Variants in GCDH observed in about 807,000 individuals in gnomAD.
The protein encoded by GCDH is glutaryl-CoA dehydrogenase.
A neutral mutation model predicts 52.8 loss-of-function variants in GCDH; 31 were observed. The ratio of observed to expected loss-of-function variants is 0.59; its 90% CI spans 0.44 to 0.79. GCDH has a LOEUF of 0.79. Among genes scored for constraint, GCDH ranks in the 30% least tolerant of loss-of-function variants. The pLI is 0.00. For missense variants in GCDH, 509 were observed against 595.0 expected (o/e 0.86, Z 1.50); for synonymous variants, 242 against 250.0 (o/e 0.97, Z 0.30).
intron 5 of GCDH, 120 bp from the exon 6 acceptor site, chr19:12,893,363 C>T: frequency 1.2e-6 from 1 of 840,540 alleles, no homozygotes; most frequent in Non-Finnish European, 2.0e-6. Flanking sequence ...GAATAAACCT[C>T]AGCTAGGGCC....
intron 10 of GCDH, 51 bp downstream of exon 10, chr19:12,897,479 C>T (rs1237406976): frequency 2.5e-6 from 4 of 1,595,036 alleles, no homozygotes; most frequent in African/African-American, 1.3e-5. Flanking sequence ...GCTGGAGGAC[C>T]TTGTGTCCTT....
chr19:12,892,092 A>G (rs756107048), intron 4 of GCDH, 24 bp from the exon 5 acceptor site: 1 of 1,613,974 alleles, frequency 6.2e-7, no homozygotes, highest in Admixed American at 1.7e-5. Context: ...CTGGGCCTGA[A>G]TTTGGGCACT....
rs778536469 is a variant in GCDH, at chr19:12,892,107, C to T, written c.272-9C>T. 3 of 1,614,088 alleles carry T rather than the reference C, an allele frequency of 1.9e-6. No individual in the cohort carries two copies. Among genetic ancestry groups the T allele is most frequent in the Non-Finnish European group, 1.7e-6 (2 of 1,180,004 alleles). On this transcript the variant is annotated splice_polypyrimidine_tract_variant and intron_variant, in intron 4 of 11. Coordinates refer to ENST00000222214, the MANE Select transcript of GCDH (RefSeq NM_000159.4). ...CTGGGCCTGAATTTGGGCACTGGTC[C>T]CTTTGCAGTTTTTCATCGGGAGATC...
chr19:12,894,789 A>C, intron 6 of GCDH: 1 of 755,256 alleles, frequency 1.3e-6, no homozygotes, highest in East Asian at 2.9e-5. Context: ...AGAATGAAGG[A>C]GGCTAAGAAG....
At chr19:12,897,940 G>A in intron 11 of GCDH, 77 bp downstream of exon 11, 6 of 1,263,822 alleles carry the variant, frequency 4.7e-6, no homozygotes, top group Non-Finnish European at 6.9e-6. Flanking sequence ...GACGGGGACA[G>A]GTCTGAGTCC....
chr19:12,891,920 AC>A lies in GCDH; in HGVS notation c.219del (p.Tyr74ThrfsTer68), dbSNP rs1057516521. On this transcript the variant is annotated frameshift_variant, in exon 4 of 12. Coordinates refer to ENST00000222214, the MANE Select transcript of GCDH (RefSeq NM_000159.4). LOFTEE classifies it high-confidence loss of function. Reference protein sequence around the residue: ...DEILIRDTFRTYCQERLMPRI... With the variant: ...DEILIRDTFRXYCQERLMPRI... ...GATCCTCATCAGGGACACCTTCCGC[AC>A]CTACTGCCAGGAGAGACTCATGCCT... is the stretch of plus-strand genomic sequence containing the variant. 2.5e-6 allele frequency: 4 copies of A among 1,614,016 alleles called. No homozygotes were observed. Among genetic ancestry groups the A allele is most frequent in the Non-Finnish European group, 3.4e-6 (4 of 1,180,022 alleles).
At position 12,891,875 on chromosome 19, in the gene GCDH, G is replaced by A; in HGVS notation, c.172G>A (p.Glu58Lys). The A allele has an allele frequency of 1.2e-6, 2 of 1,614,098 alleles. No individual in the cohort carries two copies. Among genetic ancestry groups the A allele is most frequent in the Non-Finnish European group, 1.7e-6 (2 of 1,179,972 alleles). Reference protein sequence around the residue: ...FDWQDPLVLEEQLTTDEILIR... With the variant: ...FDWQDPLVLEKQLTTDEILIR... ...CTGGCAGGACCCGCTGGTGCTGGAG[G>A]AGCAGCTGACCACAGATGAGATCCT... The change falls in exon 4 of 12, where the codon GAG becomes AAG. Residue 58 changes from glutamate to lysine, a missense_variant. By Grantham distance (56) the Glu-to-Lys change is moderately conservative. Transcript: ENST00000222214.
chr19:12,897,347 A>G lies in GCDH; in HGVS notation c.1001A>G (p.Lys334Arg). Residue 334 changes from lysine (K) to arginine (R), a missense_variant, in exon 10 of 12, where the codon AAG (lysine) becomes AGG (arginine). Physicochemically the swap from Lys to Arg is conservative, Grantham distance 26 (BLOSUM62 2). Transcript: ENST00000222214. ...VPLARNQLIQ[K>R]KLADMLTEIT... ...CTGGCCAGGAACCAGCTGATTCAGA[A>G]GAAGCTGGCAGACATGCTCACTGAG... The G allele has an allele frequency of 1.2e-6, 2 of 1,613,808 alleles. No individual in the cohort carries two copies. Among genetic ancestry groups the G allele is most frequent in the Non-Finnish European group, 1.7e-6 (2 of 1,179,988 alleles).
chr19:12,895,345 C>T (rs569022388), intron 6 of GCDH, among the ~76,000 whole-genome samples: 5 of 151,588 alleles, frequency 3.3e-5, no homozygotes, highest in East Asian at 1.9e-4. Flanking sequence ...CTGCAACCTG[C>T]GGTTCCCCAG....
At chr19:12,898,145 A>G (rs1261228957) in intron 11 of GCDH, 1 of 471,512 alleles carries the variant, frequency 2.1e-6, no homozygotes, top group Non-Finnish European at 3.9e-6. Flanking sequence ...TGAGACAGGT[A>G]AGCTCCGAAG....
rs1237461659 is a variant in GCDH at position 12,896,278 on chromosome 19, C to T, written c.709C>T (p.Leu237=). 6 of 1,614,146 alleles carry T rather than the reference C, an allele frequency of 3.7e-6. No individual in the cohort carries two copies. The East Asian group carries it at 1.3e-4, about 36-fold the overall frequency. The change falls in exon 8 of 12, where the codon CTG becomes TTG. Residue 237 remains leucine, a synonymous_variant. Coordinates refer to ENST00000222214, the MANE Select transcript of GCDH (RefSeq NM_000159.4). This position sits in a 1 kb window ranked among gnomAD's most constrained non-coding sequence, Gnocchi z 5.5. ...TGAAGATGGCTGCATTCGGGGCTTCCTGCTGGAGAAGGGGATGCGGGGTCT... is the reference window on the plus strand; with the variant it reads ...TGAAGATGGCTGCATTCGGGGCTTCTTGCTGGAGAAGGGGATGCGGGGTCT... ...RCEDGCIRGF[L]LEKGMRGLSA...
rs1252148225 is a variant in GCDH, at chr19:12,891,519, A to G, written c.124A>G (p.Lys42Glu). 6.2e-7 allele frequency: 1 copy of G among 1,614,146 alleles called. No individual in the cohort carries two copies. The highest frequency in any genetic ancestry group is 8.5e-7 in the Non-Finnish European group (1 of 1,179,998). The change falls in exon 3 of 12, where the codon AAG becomes GAG. Residue 42 changes from lysine (K) to glutamate (E), a missense_variant. By Grantham distance (56) the Lys-to-Glu change is moderately conservative. Coordinates refer to ENST00000222214, the MANE Select transcript of GCDH (RefSeq NM_000159.4). Reference sequence around the variant, plus strand: ...CGGGAGAACACAGAGCCAACTGGCTAAGTGTAAGGACCTCTGGTCGCACCG... The same window carrying G: ...CGGGAGAACACAGAGCCAACTGGCTGAGTGTAAGGACCTCTGGTCGCACCG... ...KGGRTQSQLA[K>E]SSRPEFDWQD...
chr19:12,893,790 C>A (rs564296682), intron 6 of GCDH, 137 bp downstream of exon 6: 6 of 793,214 alleles, frequency 7.6e-6, no homozygotes, highest in South Asian at 7.2e-5. Flanking sequence ...CCCCGCCAGA[C>A]CCTGGGCTTC....
rs746220312 is a variant in GCDH, at chr19:12,896,995, G to A, written c.938G>A (p.Arg313Gln). The part of the protein sequence containing the change: ...GASEFCLHTA[R>Q]QYALDRMQFG... ...TCGGAGTTCTGCTTGCACACAGCCCGGCAGTACGCCCTCGACAGGTGTGTG... is the reference window on the plus strand; with the variant it reads ...TCGGAGTTCTGCTTGCACACAGCCCAGCAGTACGCCCTCGACAGGTGTGTG... Residue 313 changes from arginine (R) to glutamine (Q), a missense_variant, in exon 9 of 12, where the codon CGG (arginine) becomes CAG (glutamine). By Grantham distance (43) the Arg-to-Gln change is conservative (BLOSUM62 1). Coordinates refer to ENST00000222214, the MANE Select transcript of GCDH (RefSeq NM_000159.4). This position sits in a 1 kb window ranked among gnomAD's most constrained non-coding sequence, Gnocchi z 5.5. 22 of 1,612,224 alleles carry A rather than the reference G, an allele frequency of 1.4e-5. No homozygotes were observed. The highest frequency in any genetic ancestry group is 6.7e-5 in the East Asian group (3 of 44,880).
Position 12,894,597 on chromosome 19 carries a change from A to C in GCDH, c.505+944A>C, listed in dbSNP as rs891404781. 7.5e-6 allele frequency: 5 copies of C among 665,320 alleles called. No homozygotes were observed. In the African/African-American group the frequency reaches 9.1e-5, roughly 12 times the overall value. The allele number at this position is 665,320 out of a possible 1,614,324, so 41.2% of individuals were successfully genotyped here. ...CTCTCTAAAGAAAATGATGTCTGCCAGTATGTTGTAAAAAAGCCCTTAAAC... is the reference window on the plus strand; with the variant it reads ...CTCTCTAAAGAAAATGATGTCTGCCCGTATGTTGTAAAAAAGCCCTTAAAC... On this transcript the variant is annotated intron_variant, in intron 6 of 11. Transcript: ENST00000222214.
rs1970787818 is a variant in GCDH at position 12,899,626 on chromosome 19, T to G, written c.*85T>G. The G allele has an allele frequency of 6.2e-7, 1 of 1,612,884 alleles. No homozygotes were observed. The highest frequency in any genetic ancestry group is 8.5e-7 in the Non-Finnish European group (1 of 1,179,272). Reference sequence around the variant, plus strand: ...CCGTAGGAGCGCTGTGCTCTGAGCTTAGAAAGGGAGGTGGCGGATGGAGTG... The same window carrying G: ...CCGTAGGAGCGCTGTGCTCTGAGCTGAGAAAGGGAGGTGGCGGATGGAGTG... On this transcript the variant is annotated 3_prime_UTR_variant, in exon 12 of 12. Transcript: ENST00000222214.
intron 6 of GCDH, 120 bp from the exon 7 acceptor site, chr19:12,895,872 G>C: frequency 1.1e-5 from 13 of 1,218,482 alleles, no homozygotes; most frequent in Non-Finnish European, 1.6e-5. Flanking sequence ...CACCTGCCTT[G>C]GCCTCCTAAA....
Position 12,893,851 on chromosome 19 carries a change from C to T in GCDH, c.505+198C>T, listed in dbSNP as rs139478466. The T allele has an allele frequency of 1.2e-4, 80 of 654,982 alleles. 1 individual carries two copies. Among genetic ancestry groups the T allele is most frequent in the Middle Eastern group, 4.0e-4 (1 of 2,484 alleles). The allele number at this position is 654,982 out of a possible 1,614,324, so 40.6% of individuals were successfully genotyped here. On this transcript the variant is annotated intron_variant, in intron 6 of 11. Coordinates refer to ENST00000222214, the MANE Select transcript of GCDH (RefSeq NM_000159.4). ...CCTGACTGTCCCCCTCTGTGACCAC[C>T]GTCATCTCCCTATGCTTTCTGTGTT... is the stretch of plus-strand genomic sequence containing the variant.
In GCDH at chr19:12,893,481, A is replaced by G; in HGVS notation, c.335-2A>G. On this transcript the variant is annotated splice_acceptor_variant, in intron 5 of 11. Transcript: ENST00000222214. LOFTEE classifies it high-confidence loss of function. ...CCTGCTTTCCCCTCCTACTACCACC[A>G]GGATATGGCTGTGCTGGGGTTTCGT... 1 of 1,613,640 alleles carries G rather than the reference A, an allele frequency of 6.2e-7. No individual in the cohort carries two copies.
Sources: allele counts gnomAD v4.1 joint callset (sites outside exome capture counted in the v4.1 genomes callset), GRCh38; gene constraint gnomAD v4.1.1; non-coding constraint Gnocchi (gnomAD v3.1); transcripts MANE v1.5; gene names NCBI Gene and HGNC (gene_info 2026-07-23, HGNC 2026-07-21).